IL1RAPL2: variants seen among roughly 807,000 people sequenced by gnomAD.
IL1RAPL2 encodes X-linked interleukin-1 receptor accessory protein-like 2.
IL1RAPL2 carries 3 observed loss-of-function variants against 44.1 expected under a neutral mutation model. The ratio of observed to expected loss-of-function variants is 0.07; its 90% CI spans 0.03 to 0.18. The LOEUF is 0.18. IL1RAPL2 is among the 10% of genes least tolerant of loss of function. IL1RAPL2 has a pLI of 1.00. For synonymous variants in IL1RAPL2, 181 were observed against 178.8 expected, an observed-to-expected ratio of 1.01 and a Z score of -0.10; for missense variants, 391 against 496.4, an observed-to-expected ratio of 0.79 and a Z score of 2.02.
In IL1RAPL2 at chrX:105,173,776, G is replaced by A. The variant is rs192227807; in HGVS notation, c.83-21699G>A. Among the ~76,000 whole-genome samples, 81 of 106,640 alleles carry A rather than the reference G, an allele frequency of 7.6e-4. 1 individual carries two copies. The East Asian group carries it at 0.012, about 15-fold the overall frequency. The allele number at this position is 106,640 out of a possible 115,157, so 92.6% of individuals were successfully genotyped here. A position where few individuals can be genotyped will look rare whatever the true frequency, so the allele number is the denominator to read the frequency against. On this transcript the variant is annotated intron_variant, in intron 2 of 10. Transcript: ENST00000372582. The stretch of plus-strand genomic sequence containing the variant: ...GAGACAGAGTTTCGCTTTGTTGCCC[G>A]GGCTGGAGTGCAGTGGCATGATCTC...
intron 4 of IL1RAPL2, among the ~76,000 whole-genome samples, chrX:105,236,921 G>T (rs1305933869): frequency 5.4e-5 from 6 of 110,605 alleles, no homozygotes; most frequent in Admixed American, 3.9e-4. Context: ...ATGTATACAT[G>T]TGCCATGTTG....
At chrX:105,599,853 G>A (rs1207500046) in intron 6 of IL1RAPL2, among the ~76,000 whole-genome samples, 1 of 109,714 alleles carries the variant, frequency 9.1e-6, no homozygotes, top group Non-Finnish European at 1.9e-5. Context: ...TTTAGTCTTG[G>A]TAAAAAAAAA....
At chrX:104,799,581 G>C (rs1403571692) in intron 2 of IL1RAPL2, among the ~76,000 whole-genome samples, 1 of 111,760 alleles carries the variant, frequency 8.9e-6, no homozygotes, top group African/African-American at 3.3e-5. Context: ...CTTAGAAACT[G>C]GTTTTCTCTT....
intron 2 of IL1RAPL2, among the ~76,000 whole-genome samples, chrX:104,945,865 T>C (rs2147705654): frequency 9.0e-6 from 1 of 111,079 alleles, no homozygotes; most frequent in African/African-American, 3.3e-5. Context: ...ATAGACCTTT[T>C]TTGAACTTCA....
At chrX:104,845,590 G>A (rs1251118979) in intron 2 of IL1RAPL2, among the ~76,000 whole-genome samples, 1 of 111,889 alleles carries the variant, frequency 8.9e-6, no homozygotes, top group Non-Finnish European at 1.9e-5. Flanking sequence ...CAGCTTCTGG[G>A]CAGATTGTCT....
chrX:105,571,814 C>T (rs546140111), intron 6 of IL1RAPL2, among the ~76,000 whole-genome samples: 6 of 111,112 alleles, frequency 5.4e-5, no homozygotes, highest in African/African-American at 6.5e-5. Context: ...GATGATAAAA[C>T]ATGTCTACTA....
intron 5 of IL1RAPL2, among the ~76,000 whole-genome samples, chrX:105,328,211 A>G (rs982622311): frequency 4.5e-5 from 5 of 112,309 alleles, no homozygotes; most frequent in Non-Finnish European, 9.4e-5. Context: ...TTCTGAACCT[A>G]GGAGGAAGTT....
chrX:104,867,865 T>C (rs1382305531), intron 2 of IL1RAPL2, among the ~76,000 whole-genome samples: 1 of 112,064 alleles, frequency 8.9e-6, no homozygotes, highest in East Asian at 2.8e-4. Flanking sequence ...GTGGACTGTT[T>C]CCATGGGTAT....
At chrX:105,556,262 A>G (rs1190015606) in intron 6 of IL1RAPL2, among the ~76,000 whole-genome samples, 1 of 111,849 alleles carries the variant, frequency 8.9e-6, no homozygotes, top group Non-Finnish European at 1.9e-5. Flanking sequence ...GCATACTTGC[A>G]AAGTTTTATT....
intron 2 of IL1RAPL2, among the ~76,000 whole-genome samples, chrX:104,745,879 G>A (rs1237869322): frequency 9.0e-6 from 1 of 111,132 alleles, no homozygotes; most frequent in Non-Finnish European, 1.9e-5. Flanking sequence ...GTATTCTCAA[G>A]GACAACTAGA....
intron 9 of IL1RAPL2, chrX:105,753,091 T>C (rs777860693): frequency 3.5e-5 from 11 of 312,316 alleles, no homozygotes; most frequent in Non-Finnish European, 6.2e-5. Flanking sequence ...TAGGGGTAAG[T>C]CTTTGTAGCA....
At chrX:105,330,172 T>C (rs1007578546) in intron 5 of IL1RAPL2, among the ~76,000 whole-genome samples, 21 of 111,670 alleles carry the variant, frequency 1.9e-4, no homozygotes, top group African/African-American at 6.8e-4. Context: ...AGCAAGCATG[T>C]GCACACCTTG....
chrX:105,089,617 T>G (rs1161132301), intron 2 of IL1RAPL2, among the ~76,000 whole-genome samples: 3 of 111,727 alleles, frequency 2.7e-5, no homozygotes, highest in African/African-American at 9.8e-5. Context: ...AAGAGTGTTA[T>G]TAGTAGTAGT....
At chrX:104,688,142 G>A (rs1414649180) in intron 2 of IL1RAPL2, among the ~76,000 whole-genome samples, 1 of 111,433 alleles carries the variant, frequency 9.0e-6, no homozygotes, top group Non-Finnish European at 1.9e-5. Flanking sequence ...CCTGCTCGAG[G>A]CATATTCTAA....
chrX:105,383,678 A>T (rs2035454626), intron 5 of IL1RAPL2, among the ~76,000 whole-genome samples: 1 of 112,233 alleles, frequency 8.9e-6, no homozygotes, highest in African/African-American at 3.2e-5. Flanking sequence ...TTTTTGCAGG[A>T]ACTGCCGTAC....
intron 2 of IL1RAPL2, among the ~76,000 whole-genome samples, chrX:104,877,108 T>G (rs1238746227): frequency 3.6e-5 from 4 of 111,191 alleles, no homozygotes; most frequent in Non-Finnish European, 7.6e-5. Flanking sequence ...ATGTGCCACA[T>G]TTTCTTAATC....
chrX:104,895,720 C>T (rs1026767550), intron 2 of IL1RAPL2, among the ~76,000 whole-genome samples: 1 of 111,800 alleles, frequency 8.9e-6, no homozygotes, highest in African/African-American at 3.3e-5. Context: ...ATTCCCTGAC[C>T]CCTTGTTCTT....
At chrX:105,597,031 A>G (rs757805768) in intron 6 of IL1RAPL2, among the ~76,000 whole-genome samples, 7 of 112,019 alleles carry the variant, frequency 6.2e-5, no homozygotes, top group African/African-American at 2.3e-4. Context: ...ATGCAAAAGT[A>G]GCCTATGGAT....
At chrX:104,803,215 G>A (rs1020451903) in intron 2 of IL1RAPL2, among the ~76,000 whole-genome samples, 2 of 111,233 alleles carry the variant, frequency 1.8e-5, no homozygotes, top group East Asian at 2.8e-4. Context: ...CTAAAATTTC[G>A]TCTGGACCAA....
Sources: allele counts gnomAD v4.1 joint callset (sites outside exome capture counted in the v4.1 genomes callset), GRCh38; gene constraint gnomAD v4.1.1; transcripts MANE v1.5; gene names NCBI Gene and HGNC (gene_info 2026-07-23, HGNC 2026-07-21).